Variants in RAB8B observed in about 807,000 individuals in gnomAD.
RAB8B encodes the protein ras-related protein Rab-8B.
RAB8B carries 11 observed loss-of-function variants against 32.0 expected under a neutral mutation model. The ratio of observed to expected loss-of-function variants is 0.34; its 90% CI spans 0.22 to 0.57. The LOEUF (loss-of-function observed/expected upper bound fraction) is 0.57, where lower values mean the gene tolerates loss of function less well. Among genes scored for constraint, RAB8B ranks in the 20% least tolerant of loss-of-function variants. The pLI is 0.86. For synonymous variants in RAB8B, 103 were observed against 89.6 expected (o/e 1.15, Z -0.85); for missense variants, 190 against 258.5 (o/e 0.73, Z 1.82).
chr15:63,234,274 T>C (rs2037959757), intron 1 of RAB8B, among the ~76,000 whole-genome samples: 1 of 152,156 alleles, frequency 6.6e-6, no homozygotes, highest in South Asian at 2.1e-4. Flanking sequence ...AAACTACTCT[T>C]TCCCACACTC....
chr15:63,206,877 T>C (rs942971275), intron 1 of RAB8B, among the ~76,000 whole-genome samples: 22 of 152,134 alleles, frequency 1.4e-4, no homozygotes, highest in African/African-American at 5.3e-4. Flanking sequence ...TGCACTCAGG[T>C]CATCATGACC....
At chr15:63,244,031 C>A (rs77171305) in intron 1 of RAB8B, among the ~76,000 whole-genome samples, 49,053 of 152,044 alleles carry the variant, frequency 0.32, 10,102 homozygotes, top group Non-Finnish European at 0.47. Context: ...CATACAGGCT[C>A]CACATGAATC....
chr15:63,234,812 T>A (rs888373338), intron 1 of RAB8B, among the ~76,000 whole-genome samples: 7 of 152,218 alleles, frequency 4.6e-5, no homozygotes, highest in African/African-American at 1.7e-4. Context: ...GGGCAGTGGC[T>A]GTCCGCCTTC....
chr15:63,258,133 C>T (rs1335161535), intron 5 of RAB8B, among the ~76,000 whole-genome samples: 1 of 149,232 alleles, frequency 6.7e-6, no homozygotes, highest in African/African-American at 2.5e-5. Context: ...TGGAGTTTCA[C>T]TCTTGTCACC....
intron 1 of RAB8B, among the ~76,000 whole-genome samples, chr15:63,196,620 G>A (rs774935460): frequency 5.3e-5 from 8 of 152,176 alleles, no homozygotes; most frequent in Non-Finnish European, 1.0e-4. Context: ...ATGAATGAAC[G>A]GATGAAGGGA....
Position 63,267,405 on chromosome 15 carries a change from G to A in RAB8B, c.*3786G>A, listed in dbSNP as rs2038257271. ...TACCTTTTTTTAAAATGTGAATTTA[G>A]TTATTATAGTTCAATTTTATGGCCT... is the stretch of plus-strand genomic sequence containing the variant. On this transcript the variant is annotated 3_prime_UTR_variant, in exon 8 of 8. Coordinates refer to ENST00000321437, the MANE Select transcript of RAB8B (RefSeq NM_016530.3). The A allele has an allele frequency of 1.3e-5, 2 of 152,360 alleles. No individual in the cohort carries two copies. The highest frequency in any genetic ancestry group is 6.5e-5 in the Admixed American group (1 of 15,276). The allele number at this position is 152,360 out of a possible 1,614,324, so 9.4% of individuals were successfully genotyped here. A position where few individuals can be genotyped will look rare whatever the true frequency, so the allele number is the denominator to read the frequency against.
rs1223165504 is a variant in RAB8B, at chr15:63,248,872, G to C, written c.186-773G>C. Among the ~76,000 whole-genome samples the C allele has an allele frequency of 6.6e-6, 1 of 152,040 alleles. No individual in the cohort carries two copies. The highest frequency in any genetic ancestry group is 2.4e-5 in the African/African-American group (1 of 41,364). On this transcript the variant is annotated intron_variant, in intron 2 of 7. Transcript: ENST00000321437. The surrounding 1 kb of genome is among the most constrained non-coding windows in gnomAD (Gnocchi z 4.4). Reference sequence around the variant, plus strand: ...GTAGCACAGGGAATGAATTAGTTCTGGCTGGAAGTGGGAAATTTGAGAATA... The same window carrying C: ...GTAGCACAGGGAATGAATTAGTTCTCGCTGGAAGTGGGAAATTTGAGAATA...
At chr15:63,201,124 A>G (rs150909754) in intron 1 of RAB8B, among the ~76,000 whole-genome samples, 113 of 152,300 alleles carry the variant, frequency 7.4e-4, no homozygotes, top group East Asian at 5.0e-3. Flanking sequence ...CATGCCAAAC[A>G]TTAGGTCATT....
intron 1 of RAB8B, among the ~76,000 whole-genome samples, chr15:63,204,149 G>A (rs2037677750): frequency 6.6e-6 from 1 of 152,018 alleles, no homozygotes; most frequent in Non-Finnish European, 1.5e-5. Flanking sequence ...CAAAATATGA[G>A]CGGGAGCATT....
intron 2 of RAB8B, among the ~76,000 whole-genome samples, chr15:63,246,063 G>A (rs1248678051): frequency 2.0e-5 from 3 of 152,046 alleles, no homozygotes; most frequent in Non-Finnish European, 4.4e-5. Flanking sequence ...CAGTAGAAAC[G>A]GGGTTTCTCC....
intron 2 of RAB8B, among the ~76,000 whole-genome samples, 195 bp from the exon 3 acceptor site, chr15:63,249,450 C>T (rs1357084577): frequency 3.3e-5 from 5 of 152,114 alleles, no homozygotes; most frequent in South Asian, 2.1e-4. Flanking sequence ...TCATTGTGAG[C>T]TCTTGACAGG....
chr15:63,246,108 G>A (rs1173830965), intron 2 of RAB8B, among the ~76,000 whole-genome samples: 1 of 152,092 alleles, frequency 6.6e-6, no homozygotes, highest in Admixed American at 6.5e-5. Context: ...CCTGACCTCA[G>A]GTAATCCGCC....
chr15:63,225,858 T>C (rs948736727), intron 1 of RAB8B, among the ~76,000 whole-genome samples: 1 of 152,290 alleles, frequency 6.6e-6, no homozygotes, highest in South Asian at 2.1e-4. Context: ...TTTTTCTTTC[T>C]GAAAGAGGGT....
chr15:63,242,578 T>C (rs968329201), intron 1 of RAB8B, among the ~76,000 whole-genome samples: 7 of 152,266 alleles, frequency 4.6e-5, no homozygotes, highest in Admixed American at 2.0e-4. Context: ...CTCGGGAGGC[T>C]GAGGCGGGAG....
Position 63,256,502 on chromosome 15 carries a change from C to T in RAB8B, c.325-3C>T. The T allele has an allele frequency of 6.3e-7, 1 of 1,594,270 alleles. No homozygotes were observed. The highest frequency in any genetic ancestry group is 8.5e-7 in the Non-Finnish European group (1 of 1,173,058). On this transcript the variant is annotated splice_polypyrimidine_tract_variant and splice_region_variant and intron_variant, in intron 4 of 7. Coordinates refer to ENST00000321437, the MANE Select transcript of RAB8B (RefSeq NM_016530.3). ...TTTATAGCATGCTATTTTCTCCCTGCAGCATGCCTCTTCCGATGTCGAAAG... is the reference window on the plus strand; with the variant it reads ...TTTATAGCATGCTATTTTCTCCCTGTAGCATGCCTCTTCCGATGTCGAAAG...
intron 3 of RAB8B, 63 bp downstream of exon 3, chr15:63,249,768 CAAG>C: frequency 6.7e-7 from 1 of 1,495,726 alleles, no homozygotes; most frequent in Non-Finnish European, 9.2e-7. Context: ...GTTTGTTTGC[CAAG>C]ATTATAGGAT....
At chr15:63,197,297 A>C (rs1342922074) in intron 1 of RAB8B, among the ~76,000 whole-genome samples, 3 of 150,094 alleles carry the variant, frequency 2.0e-5, no homozygotes, top group African/African-American at 7.3e-5. Flanking sequence ...GTTTAAATAA[A>C]GGGTTTTCTT....
intron 1 of RAB8B, among the ~76,000 whole-genome samples, chr15:63,223,659 A>G (rs1477087806): frequency 1.3e-5 from 2 of 152,216 alleles, no homozygotes; most frequent in Non-Finnish European, 2.9e-5. Flanking sequence ...TCTGGTTGTT[A>G]AGTGACACAT....
intron 1 of RAB8B, chr15:63,222,988 A>G (rs1292581688): frequency 4.4e-6 from 2 of 454,280 alleles, no homozygotes; most frequent in East Asian, 7.0e-5. Flanking sequence ...AGTAGTGTAC[A>G]GTAATGTCCT....
Sources: allele counts gnomAD v4.1 joint callset (sites outside exome capture counted in the v4.1 genomes callset), GRCh38; gene constraint gnomAD v4.1.1; non-coding constraint Gnocchi (gnomAD v3.1); transcripts MANE v1.5; gene names NCBI Gene and HGNC (gene_info 2026-07-23, HGNC 2026-07-21).